The following FAAH variants were observed in gnomAD, a reference collection of about 807,000 sequenced individuals.
FAAH encodes the protein fatty-acid amide hydrolase 1.
In FAAH, 63 loss-of-function variants were observed where a neutral mutation model predicts 69.7. That is an observed-to-expected ratio of 0.90 (90% CI 0.74 to 1.12). The LOEUF (loss-of-function observed/expected upper bound fraction) is 1.12. FAAH is among the 50% of genes most tolerant of loss of function. The probability of loss-of-function intolerance (pLI) is 0.00; values close to 1 mark genes in which losing one functional copy is unlikely to be tolerated. For synonymous variants in FAAH, 305 were observed against 324.2 expected (o/e 0.94, Z 0.64); for missense variants, 680 against 755.0 (o/e 0.90, Z 1.16).
chr1:46,412,748 C>G (rs1417749440), intron 13 of FAAH, among the ~76,000 whole-genome samples: 2 of 152,058 alleles, frequency 1.3e-5, no homozygotes, highest in Non-Finnish European at 2.9e-5. Flanking sequence ...GAGGTCAAGG[C>G]TGCAGTGAGT....
At chr1:46,406,768 AT>A (rs550222282) in intron 7 of FAAH, among the ~76,000 whole-genome samples, 1 of 149,998 alleles carries the variant, frequency 6.7e-6, no homozygotes, top group Non-Finnish European at 1.5e-5. Flanking sequence ...CGCCCGGCTA[AT>A]TTTTTTTGTA....
rs1451815546 is a variant in FAAH at position 46,411,740 on chromosome 1, G to A, written c.1356+89G>A. 1.4e-6 allele frequency: 2 copies of A among 1,436,524 alleles called. No individual in the cohort carries two copies. Among genetic ancestry groups the A allele is most frequent in the Admixed American group, 1.8e-5 (1 of 54,258 alleles). The allele number at this position is 1,436,524 out of a possible 1,614,324, so 89.0% of individuals were successfully genotyped here. A position where few individuals can be genotyped will look rare whatever the true frequency, so the allele number is the denominator to read the frequency against. ...CCGCTAGCAGTGTCTCGTGGCCACT[G>A]CCCCCATGGGGCTCCTAGACTGGCC... On this transcript the variant is annotated intron_variant, in intron 12 of 14. Coordinates refer to ENST00000243167, the MANE Select transcript of FAAH (RefSeq NM_001441.3). This position sits in a 1 kb window ranked among gnomAD's most constrained non-coding sequence, Gnocchi z 4.8.
chr1:46,401,411 C>A (rs192124764), intron 1 of FAAH, among the ~76,000 whole-genome samples: 1 of 152,204 alleles, frequency 6.6e-6, no homozygotes, highest in Non-Finnish European at 1.5e-5. Flanking sequence ...GACCAAGAAC[C>A]CACCAATTCC....
At position 46,413,199 on chromosome 1, in the gene FAAH, C is replaced by G; in HGVS notation, c.1590C>G (p.Ile530Met). 1 of 1,614,160 alleles carries G rather than the reference C, an allele frequency of 6.2e-7. No homozygotes were observed. The highest frequency in any genetic ancestry group is 8.5e-7 in the Non-Finnish European group (1 of 1,180,026). ...ATTACAGGGGCTACTTTGGGGATAT[C>G]TGGGACAAGATGCTGCAGAAGGTGA... ...MEHYRGYFGD[I>M]WDKMLQKGMK... is the part of the protein sequence containing the mutation. Residue 530 changes from isoleucine to methionine, a missense_variant, in exon 14 of 15, where the codon ATC becomes ATG. Transcript: ENST00000243167.
At position 46,406,202 on chromosome 1, in the gene FAAH, C is replaced by T. The variant is rs1201270362; in HGVS notation, c.827-42C>T. 2.5e-6 allele frequency: 4 copies of T among 1,613,912 alleles called. No individual in the cohort carries two copies. In the South Asian group the frequency reaches 3.3e-5, roughly 13 times the overall value. On this transcript the variant is annotated intron_variant, in intron 6 of 14. Coordinates refer to ENST00000243167, the MANE Select transcript of FAAH (RefSeq NM_001441.3). ...CAGGCTGCTCTAGGTCTGGGTTCCT[C>T]GCTCCTTGTCTGCTTACCTCCCTCA...
rs1664837261 is a variant in FAAH at position 46,408,320 on chromosome 1, T to A, written c.952-139T>A. 20 of 1,078,946 alleles carry A rather than the reference T, an allele frequency of 1.9e-5. No homozygotes were observed. The South Asian group carries it at 2.5e-4, about 14-fold the overall frequency. The allele number at this position is 1,078,946 out of a possible 1,614,324, so 66.8% of individuals were successfully genotyped here. On this transcript the variant is annotated intron_variant, in intron 7 of 14. Transcript: ENST00000243167. ...ACTGTGAAGGTGTTTTATGAAAGGG[T>A]CAGATGCAGAAGGGGCTGGCCTCGC... is the stretch of plus-strand genomic sequence containing the variant.
chr1:46,406,849 GC>G (rs1664808848), intron 7 of FAAH, among the ~76,000 whole-genome samples: 3 of 151,662 alleles, frequency 2.0e-5, no homozygotes, highest in African/African-American at 4.8e-5. Context: ...CTCGTGATCC[GC>G]CCGCCTCGGC....
rs199644977 is a variant in FAAH, at chr1:46,413,521, G to T, written c.1686G>T (p.Leu562=). 1.9e-6 allele frequency: 3 copies of T among 1,614,020 alleles called. No individual in the cohort carries two copies. The Admixed American group carries it at 5.0e-5, about 27-fold the overall frequency. ...VALPWQEELC[L]RFMREVERLM... ...TGCCCTGGCAAGAAGAGTTGTGTCT[G>T]CGGTTCATGCGGGAGGTGGAGCGAC... Residue 562 remains leucine, a synonymous_variant, in exon 15 of 15, where the codon CTG becomes CTT. Transcript: ENST00000243167.
rs1664750787 is a variant in FAAH, at chr1:46,404,208, C to T, written c.310-806C>T. Among the ~76,000 whole-genome samples, 3 of 152,218 alleles carry T rather than the reference C, an allele frequency of 2.0e-5. No individual in the cohort carries two copies. The South Asian group carries it at 6.2e-4, about 31-fold the overall frequency. ...TCCTGCCCTTCCTAGTTAATCTAGT[C>T]TATCTGGTTAGATTAGCCTTCTCTG... On this transcript the variant is annotated intron_variant, in intron 2 of 14. Transcript: ENST00000243167. The surrounding 1 kb of genome is among the most constrained non-coding windows in gnomAD (Gnocchi z 4.5).
chr1:46,395,488 G>A (rs181379021), intron 1 of FAAH, among the ~76,000 whole-genome samples: 1 of 152,280 alleles, frequency 6.6e-6, no homozygotes, highest in African/African-American at 2.4e-5. Context: ...GGCGTGGAAG[G>A]GCCTGGCTGA....
At chr1:46,402,807 C>T (rs749090964) in intron 2 of FAAH, among the ~76,000 whole-genome samples, 2 of 151,876 alleles carry the variant, frequency 1.3e-5, no homozygotes, top group East Asian at 1.9e-4. Context: ...ATTCTTCTGC[C>T]TCAGCCTCCT....
intron 7 of FAAH, among the ~76,000 whole-genome samples, chr1:46,407,629 T>C (rs971562331): frequency 3.3e-5 from 5 of 152,160 alleles, no homozygotes; most frequent in African/African-American, 1.2e-4. Flanking sequence ...GCGTTGGGGT[T>C]GAAGGCCAGA....
Position 46,410,709 on chromosome 1 carries a change from G to C in FAAH, c.1276-105G>C. ...TGAAAGGGGTGCCGACCTGGGCCCT[G>C]GGGGGAGGCATGGAGGGAGGGGTCC... On this transcript the variant is annotated intron_variant, in intron 10 of 14. Transcript: ENST00000243167. This position sits in a 1 kb window ranked among gnomAD's most constrained non-coding sequence, Gnocchi z 4.9. 1 of 1,427,116 alleles carries C rather than the reference G, an allele frequency of 7.0e-7. No individual in the cohort carries two copies. The highest frequency in any genetic ancestry group is 9.9e-7 in the Non-Finnish European group (1 of 1,010,078). 88.4% of individuals were successfully genotyped at this position (1,427,116 alleles called of 1,614,324 possible). A position where few individuals can be genotyped will look rare whatever the true frequency, so the allele number is the denominator to read the frequency against.
In FAAH at chr1:46,405,526, G is replaced by T; in HGVS notation, c.578+21G>T. ...TTCAGGTTGGGTCTTGGGGTGGGGC[G>T]GGGCGGGGCAGGGGCACCGGTCCCA... is the stretch of plus-strand genomic sequence containing the variant. On this transcript the variant is annotated intron_variant, in intron 4 of 14. Coordinates refer to ENST00000243167, the MANE Select transcript of FAAH (RefSeq NM_001441.3). The surrounding 1 kb of genome is among the most constrained non-coding windows in gnomAD (Gnocchi z 4.1). 1 of 1,612,584 alleles carries T rather than the reference G, an allele frequency of 6.2e-7. No homozygotes were observed. The highest frequency in any genetic ancestry group is 8.5e-7 in the Non-Finnish European group (1 of 1,179,726).
chr1:46,411,492 C>T lies in FAAH; in HGVS notation c.1317-120C>T, dbSNP rs1424466150. 2 of 1,078,634 alleles carry T rather than the reference C, an allele frequency of 1.9e-6. No homozygotes were observed. Among genetic ancestry groups the T allele is most frequent in the Admixed American group, 3.9e-5 (2 of 50,872 alleles). The allele number at this position is 1,078,634 out of a possible 1,614,324, so 66.8% of individuals were successfully genotyped here. A position where few individuals can be genotyped will look rare whatever the true frequency, so the allele number is the denominator to read the frequency against. Reference sequence around the variant, plus strand: ...GTTTGAACTTCCCTCTCAGAGCTCCCATGGGGTTGTGAAGGGTCCACGGAG... The same window carrying T: ...GTTTGAACTTCCCTCTCAGAGCTCCTATGGGGTTGTGAAGGGTCCACGGAG... On this transcript the variant is annotated intron_variant, in intron 11 of 14. Transcript: ENST00000243167. The surrounding 1 kb of genome is among the most constrained non-coding windows in gnomAD (Gnocchi z 4.8).
Position 46,405,381 on chromosome 1 carries a change from T to C in FAAH, c.454T>C (p.Ser152Pro), listed in dbSNP as rs920259676. The change falls in exon 4 of 15, where the codon TCC becomes CCC. Residue 152 changes from serine to proline, a missense_variant. By Grantham distance (74) the Ser-to-Pro change is moderately conservative (BLOSUM62 -1). Transcript: ENST00000243167. The surrounding 1 kb of genome is among the most constrained non-coding windows in gnomAD (Gnocchi z 4.1). ...CCATCCCTCCTCCCAGGGCCAGGAC[T>C]CCACGCTGGGCTTGAGCCTGAATGA... ...KECFTYKGQD[S>P]TLGLSLNEGV... 1.9e-6 allele frequency: 3 copies of C among 1,610,978 alleles called. No individual in the cohort carries two copies. Among genetic ancestry groups the C allele is most frequent in the African/African-American group, 2.7e-5 (2 of 74,926 alleles).
In FAAH at chr1:46,411,934, G is replaced by A. The variant is rs1569825732; in HGVS notation, c.1357-209G>A. 1.3e-5 allele frequency among the ~76,000 whole-genome samples: 2 copies of A among 152,250 alleles called. No homozygotes were observed. Among genetic ancestry groups the A allele is most frequent in the South Asian group, 2.1e-4 (1 of 4,834 alleles). ...TGGCTCCGCCTCAGCGGGAAGAGGT[G>A]TATCCACAATTCATTCTGGAGGCAG... On this transcript the variant is annotated intron_variant, in intron 12 of 14. Transcript: ENST00000243167. The surrounding 1 kb of genome is among the most constrained non-coding windows in gnomAD (Gnocchi z 4.8).
Position 46,405,931 on chromosome 1 carries a change from G to A in FAAH, c.786-107G>A, listed in dbSNP as rs45627431. 4.3e-6 allele frequency: 7 copies of A among 1,612,054 alleles called. No homozygotes were observed. Among genetic ancestry groups the A allele is most frequent in the African/African-American group, 1.3e-5 (1 of 74,930 alleles). ...AGCATTACAGTACCACTGGCCGGGC[G>A]TGGGTCCTAGTTTCCAAAGCGGTGA... is the stretch of plus-strand genomic sequence containing the variant. On this transcript the variant is annotated intron_variant, in intron 5 of 14. Transcript: ENST00000243167. The surrounding 1 kb of genome is among the most constrained non-coding windows in gnomAD (Gnocchi z 4.1).
chr1:46,412,962 G>C, intron 13 of FAAH, 113 bp from the exon 14 acceptor site: 1 of 1,308,468 alleles, frequency 7.6e-7, no homozygotes, highest in Non-Finnish European at 1.1e-6. Context: ...CTGGGAGAGA[G>C]CCTTTCTCTG....
Sources: allele counts gnomAD v4.1 joint callset (sites outside exome capture counted in the v4.1 genomes callset), GRCh38; gene constraint gnomAD v4.1.1; non-coding constraint Gnocchi (gnomAD v3.1); transcripts MANE v1.5; gene names NCBI Gene and HGNC (gene_info 2026-07-23, HGNC 2026-07-21).